The following MS4A1 variants were observed in gnomAD, a reference collection of about 807,000 sequenced individuals.
MS4A1 encodes membrane spanning 4-domains A1.
Under a neutral mutation model 26.5 loss-of-function variants are expected in MS4A1, and 16 were observed. The observed-to-expected ratio is 0.60, with a 90% CI of 0.41 to 0.92. MS4A1 has a LOEUF of 0.92. Ranked by LOEUF, MS4A1 falls within the 40% of genes least tolerant of loss-of-function variation. MS4A1 has a pLI of 0.00. For missense variants in MS4A1, 350 were observed against 353.0 expected (o/e 0.99, Z 0.07); for synonymous variants, 128 against 117.6 (o/e 1.09, Z -0.57).
chr11:60,468,527 G>T lies in MS4A1; in HGVS notation c.*59G>T. The T allele has an allele frequency of 6.6e-7, 1 of 1,507,184 alleles. No individual in the cohort carries two copies. Among genetic ancestry groups the T allele is most frequent in the South Asian group, 1.2e-5 (1 of 86,382 alleles). 93.4% of individuals were successfully genotyped at this position (1,507,184 alleles called of 1,614,324 possible). On this transcript the variant is annotated 3_prime_UTR_variant, in exon 8 of 8. Coordinates refer to ENST00000345732, the MANE Select transcript of MS4A1 (RefSeq NM_152866.3). Reference sequence around the variant, plus strand: ...ACATTAGTGTTCATAGCTTCCAAGAGACATGCTGACTTTCATTTCTTGAGG... The same window carrying T: ...ACATTAGTGTTCATAGCTTCCAAGATACATGCTGACTTTCATTTCTTGAGG...
chr11:60,462,665 A>G lies in MS4A1; in HGVS notation c.159+132A>G, dbSNP rs142653001. The G allele has an allele frequency of 1.4e-4, 168 of 1,233,230 alleles. No individual in the cohort carries two copies. In the African/African-American group the frequency reaches 2.1e-3, roughly 15 times the overall value. 76.4% of individuals were successfully genotyped at this position (1,233,230 alleles called of 1,614,324 possible). A position where few individuals can be genotyped will look rare whatever the true frequency, so the allele number is the denominator to read the frequency against. ...CCAACCTGATGTCTTCTTTATGTCT[A>G]ACACAGTGGGCCAAATCAGGGGTGC... is the stretch of plus-strand genomic sequence containing the variant. On this transcript the variant is annotated intron_variant, in intron 3 of 7. Transcript: ENST00000345732.
In MS4A1 at chr11:60,463,115, C is replaced by A. The variant is rs1167602115; in HGVS notation, c.273C>A (p.Gly91=). ...CVTVWYPLWG[G]IMYIISGSLL... is the part of the protein sequence containing the mutation. Reference sequence around the variant, plus strand: ...CTGTGTGGTACCCTCTCTGGGGAGGCATTATGGTGAGTAAAAGAATAGCAG... The same window carrying A: ...CTGTGTGGTACCCTCTCTGGGGAGGAATTATGGTGAGTAAAAGAATAGCAG... The change falls in exon 4 of 8, where the codon GGC becomes GGA. Residue 91 remains glycine (G), a synonymous_variant. Transcript: ENST00000345732. 15 of 1,613,974 alleles carry A rather than the reference C, an allele frequency of 9.3e-6. No homozygotes were observed. Among genetic ancestry groups the A allele is most frequent in the Non-Finnish European group, 1.3e-5 (15 of 1,180,032 alleles).
chr11:60,464,374 A>C, intron 5 of MS4A1, 30 bp downstream of exon 5: 1 of 1,602,204 alleles, frequency 6.2e-7, no homozygotes, highest in African/African-American at 1.3e-5. Flanking sequence ...TCTTTCCCAC[A>C]TGTCAGAGAA....
At chr11:60,462,589 G>A (rs1480935248) in intron 3 of MS4A1, 56 bp downstream of exon 3, 1 of 1,604,010 alleles carries the variant, frequency 6.2e-7, no homozygotes, top group East Asian at 2.2e-5. Context: ...GACAGAAGCT[G>A]ATGCGGTATA....
intron 3 of MS4A1, 51 bp from the exon 4 acceptor site, chr11:60,462,951 C>A (rs748269048): frequency 6.2e-7 from 1 of 1,609,464 alleles, no homozygotes; most frequent in East Asian, 2.2e-5. Flanking sequence ...TCTTTGCCTG[C>A]TAGCAGTGAT....
intron 4 of MS4A1, 65 bp from the exon 5 acceptor site, chr11:60,464,223 C>G: frequency 8.3e-7 from 1 of 1,208,734 alleles, no homozygotes; most frequent in Non-Finnish European, 1.2e-6. Context: ...AAGTGATCTC[C>G]CTCTCTCCTC....
chr11:60,457,914 C>G (rs1428700230), intron 1 of MS4A1: 6 of 152,146 alleles, frequency 3.9e-5, no homozygotes, highest in Admixed American at 3.3e-4. Context: ...AAGAAGAGGA[C>G]TTTGGGATTC....
chr11:60,460,886 T>C (rs2086242211), intron 1 of MS4A1, among the ~76,000 whole-genome samples, 186 bp from the exon 2 acceptor site: 1 of 151,812 alleles, frequency 6.6e-6, no homozygotes, highest in African/African-American at 2.4e-5. Flanking sequence ...TATTTATGTC[T>C]TACATCTCAG....
chr11:60,466,306 G>A, intron 6 of MS4A1, 149 bp downstream of exon 6: 1 of 760,056 alleles, frequency 1.3e-6, no homozygotes, highest in Non-Finnish European at 2.4e-6. Context: ...ACCACACTGT[G>A]CCTCAATTTC....
In MS4A1 at chr11:60,468,418, C is replaced by A; in HGVS notation, c.844C>A (p.Pro282Thr). 1 of 1,614,170 alleles carries A rather than the reference C, an allele frequency of 6.2e-7. No individual in the cohort carries two copies. Among genetic ancestry groups the A allele is most frequent in the Non-Finnish European group, 8.5e-7 (1 of 1,180,014 alleles). Residue 282 changes from proline (P) to threonine (T), a missense_variant, in exon 8 of 8, where the codon CCT (proline) becomes ACT (threonine). Transcript: ENST00000345732. ...AGAAACAGAGACGAACTTTCCAGAA[C>A]CTCCCCAAGATCAGGAATCCTCACC... is the stretch of plus-strand genomic sequence containing the variant. ...EEETETNFPE[P>T]PQDQESSPIE... is the part of the protein sequence containing the mutation.
chr11:60,466,364 T>C (rs1590847168), intron 6 of MS4A1, among the ~76,000 whole-genome samples: 1 of 152,328 alleles, frequency 6.6e-6, no homozygotes, highest in East Asian at 1.9e-4. Flanking sequence ...AATAGGGTTG[T>C]TCTGAGGAAT....
Position 60,467,141 on chromosome 11 carries a change from G to GGAGA in MS4A1, c.675+81_675+82insGAGA. 3 of 1,213,848 alleles carry GGAGA rather than the reference G, an allele frequency of 2.5e-6. No homozygotes were observed. In the South Asian group the frequency reaches 3.7e-5, roughly 15 times the overall value. 75.2% of individuals were successfully genotyped at this position (1,213,848 alleles called of 1,614,324 possible). On this transcript the variant is annotated intron_variant, in intron 7 of 7. Coordinates refer to ENST00000345732, the MANE Select transcript of MS4A1 (RefSeq NM_152866.3). ...GGATCATTTATGGAGAATGTAATCT[G>GGAGA]ATGAGTTGTTGAAACTAGGAGCTTG...
intron 1 of MS4A1, among the ~76,000 whole-genome samples, chr11:60,459,718 A>G (rs976430172): frequency 1.3e-5 from 2 of 152,228 alleles, no homozygotes; most frequent in African/African-American, 2.4e-5. Context: ...GCATCTGGCT[A>G]TCTAGGGCAG....
Position 60,462,339 on chromosome 11 carries a change from GTTAT to G in MS4A1, c.-33_-30del. 1 of 1,612,832 alleles carries G rather than the reference GTTAT, an allele frequency of 6.2e-7. No homozygotes were observed. Among genetic ancestry groups the G allele is most frequent in the East Asian group, 2.2e-5 (1 of 44,878 alleles). On this transcript the variant is annotated 5_prime_UTR_variant, in exon 3 of 8. An upstream open reading frame in the 5' UTR gains an earlier in-frame stop. Coordinates refer to ENST00000345732, the MANE Select transcript of MS4A1 (RefSeq NM_152866.3). ...ATCTTGTTCTTGCTCTCCTCATTTT[GTTAT>G]TTGTTTTATTTTTAGGAGTTTTGAG...
At chr11:60,460,425 TATA>T (rs1355111349) in intron 1 of MS4A1, among the ~76,000 whole-genome samples, 2 of 152,124 alleles carry the variant, frequency 1.3e-5, no homozygotes, top group African/African-American at 2.4e-5. Context: ...CTAAAGTAGG[TATA>T]AATGTGACAG....
Position 60,469,922 on chromosome 11 carries a change from T to C in MS4A1, c.*1454T>C, listed in dbSNP as rs1444853140. The stretch of plus-strand genomic sequence containing the variant: ...AATGTAATTTGCACTCCCTATGATA[T>C]TTCTACATTTTTAGCGACCACTAGT... On this transcript the variant is annotated 3_prime_UTR_variant, in exon 8 of 8. Coordinates refer to ENST00000345732, the MANE Select transcript of MS4A1 (RefSeq NM_152866.3). 1 of 152,082 alleles carries C rather than the reference T, an allele frequency of 6.6e-6. No individual in the cohort carries two copies. Among genetic ancestry groups the C allele is most frequent in the Admixed American group, 6.5e-5 (1 of 15,270 alleles). 9.4% of individuals were successfully genotyped at this position (152,082 alleles called of 1,614,324 possible). A position where few individuals can be genotyped will look rare whatever the true frequency, so the allele number is the denominator to read the frequency against.
rs1157341181 is a variant in MS4A1, at chr11:60,464,338, G to A, written c.330G>A (p.Lys110=). The part of the protein sequence containing the change: ...LLAATEKNSR[K]CLVKGKMIMN... ...CAGCAACGGAGAAAAACTCCAGGAA[G>A]TGTTTGGCAAGTAACCATATGTCCT... Residue 110 remains lysine (K), a synonymous_variant, in exon 5 of 8, where the codon AAG becomes AAA. Coordinates refer to ENST00000345732, the MANE Select transcript of MS4A1 (RefSeq NM_152866.3). 1.9e-6 allele frequency: 3 copies of A among 1,612,900 alleles called. No homozygotes were observed. Among genetic ancestry groups the A allele is most frequent in the Non-Finnish European group, 1.7e-6 (2 of 1,179,706 alleles).
In MS4A1 at chr11:60,468,847, G is replaced by A. The variant is rs201563749; in HGVS notation, c.*379G>A. On this transcript the variant is annotated 3_prime_UTR_variant, in exon 8 of 8. Coordinates refer to ENST00000345732, the MANE Select transcript of MS4A1 (RefSeq NM_152866.3). Reference sequence around the variant, plus strand: ...TGGAAAAGATATATGACTGCTTCATGACATTCCTAAACTATCTTTTTTTTA... The same window carrying A: ...TGGAAAAGATATATGACTGCTTCATAACATTCCTAAACTATCTTTTTTTTA... The A allele has an allele frequency of 2.9e-5, 6 of 208,240 alleles. No homozygotes were observed. The highest frequency in any genetic ancestry group is 5.8e-5 in the Non-Finnish European group (6 of 102,968). The allele number at this position is 208,240 out of a possible 1,614,324, so 12.9% of individuals were successfully genotyped here. A position where few individuals can be genotyped will look rare whatever the true frequency, so the allele number is the denominator to read the frequency against.
chr11:60,463,458 C>T (rs2086265510), intron 4 of MS4A1, among the ~76,000 whole-genome samples: 1 of 152,210 alleles, frequency 6.6e-6, no homozygotes. Context: ...CAAGAGGCAG[C>T]AGGAACATCC....
Sources: gnomAD v4.1 joint callset for allele counts (sites outside exome capture counted in the v4.1 genomes callset) on GRCh38, gnomAD v4.1.1 for gene constraint, MANE v1.5 for transcripts, NCBI Gene and HGNC (gene_info 2026-07-23, HGNC 2026-07-21) for gene names.